MAPK6: variants seen among roughly 807,000 people sequenced by gnomAD.
MAPK6 encodes the protein mitogen-activated protein kinase 6.
Under a neutral mutation model 59.3 loss-of-function variants are expected in MAPK6, and 19 were observed. The ratio of observed to expected loss-of-function variants is 0.32; its 90% CI spans 0.22 to 0.47. The LOEUF is 0.47. MAPK6 is among the 20% of genes least tolerant of loss of function. The probability of loss-of-function intolerance (pLI) is 1.00; values close to 1 mark genes in which losing one functional copy is unlikely to be tolerated. For synonymous variants in MAPK6, 316 were observed against 290.3 expected (o/e 1.09, Z -0.90); for missense variants, 724 against 847.9 (o/e 0.85, Z 1.81).
intron 1 of MAPK6, among the ~76,000 whole-genome samples, chr15:52,023,762 C>A (rs529185257): frequency 1.3e-5 from 2 of 152,340 alleles, no homozygotes; most frequent in Admixed American, 1.3e-4. Flanking sequence ...CAGGTGCGCA[C>A]CACCATGACC....
Position 52,063,860 on chromosome 15 carries a change from A to G in MAPK6, c.1068-42A>G, listed in dbSNP as rs541591673. The G allele has an allele frequency of 1.1e-5, 16 of 1,501,186 alleles. No homozygotes were observed. In the South Asian group the frequency reaches 1.4e-4, roughly 13 times the overall value. The allele number at this position is 1,501,186 out of a possible 1,614,324, so 93.0% of individuals were successfully genotyped here. ...GGTACTCGGTGAATTTGAAAATGAAATCATATACGTAGAATAACGCTAGTG... is the reference window on the plus strand; with the variant it reads ...GGTACTCGGTGAATTTGAAAATGAAGTCATATACGTAGAATAACGCTAGTG... On this transcript the variant is annotated intron_variant, in intron 5 of 5. Coordinates refer to ENST00000261845, the MANE Select transcript of MAPK6 (RefSeq NM_002748.4).
At position 52,046,946 on chromosome 15, in the gene MAPK6, G is replaced by C. The variant is rs776552712; in HGVS notation, c.486G>C (p.Thr162=). ...DLKPANLFIN[T]EDLVLKIGDF... is the part of the protein sequence containing the mutation. ...AACCAGCTAATCTTTTCATTAATAC[G>C]GAAGACTTGGTGCTGAAGATAGGTG... The change falls in exon 2 of 6, where the codon ACG becomes ACC. Residue 162 remains threonine, a synonymous_variant. Transcript: ENST00000261845. 6.2e-7 allele frequency: 1 copy of C among 1,612,326 alleles called. No homozygotes were observed. The highest frequency in any genetic ancestry group is 8.5e-7 in the Non-Finnish European group (1 of 1,179,218).
At chr15:52,057,632 C>T (rs906558723) in intron 3 of MAPK6, among the ~76,000 whole-genome samples, 3 of 152,242 alleles carry the variant, frequency 2.0e-5, no homozygotes, top group East Asian at 3.9e-4. Flanking sequence ...GCAACCTCCT[C>T]CTCCAGGGTC....
At chr15:51,988,881 G>A (rs1490226671) in intron 2 of MAPK6, among the ~76,000 whole-genome samples, 1 of 152,124 alleles carries the variant, frequency 6.6e-6, no homozygotes, top group Non-Finnish European at 1.5e-5. Flanking sequence ...TCTGGAATAA[G>A]TTAATTGCCT....
chr15:52,007,649 GC>G (rs2029936791), intron 3 of MAPK6, among the ~76,000 whole-genome samples: 1 of 151,194 alleles, frequency 6.6e-6, no homozygotes, highest in African/African-American at 2.4e-5. Context: ...GCTGTAGTGA[GC>G]TGTGTTTGCA....
chr15:52,045,181 T>C (rs1251310326), intron 1 of MAPK6, among the ~76,000 whole-genome samples: 2 of 152,194 alleles, frequency 1.3e-5, no homozygotes, highest in Admixed American at 6.5e-5. Context: ...TAATTTAAAC[T>C]CCAACCACTA....
At chr15:51,997,546 C>T (rs1276733125) in intron 2 of MAPK6, among the ~76,000 whole-genome samples, 1 of 152,028 alleles carries the variant, frequency 6.6e-6, no homozygotes, top group African/African-American at 2.4e-5. Context: ...GCATGAACCA[C>T]CTTGCCCGGC....
At chr15:52,058,611 T>G in intron 3 of MAPK6, 22 bp from the exon 4 acceptor site, 1 of 1,568,914 alleles carries the variant, frequency 6.4e-7, no homozygotes, top group Non-Finnish European at 8.7e-7. Context: ...AATGTGTTTT[T>G]TTGTTTGTTT....
chr15:52,050,171 A>G (rs1331187883), intron 3 of MAPK6, 34 bp downstream of exon 3: 2 of 1,577,370 alleles, frequency 1.3e-6, no homozygotes, highest in Non-Finnish European at 1.7e-6. Context: ...ATTTTCCCAA[A>G]GAGAAGTAAT....
intron 1 of MAPK6, among the ~76,000 whole-genome samples, chr15:52,036,811 T>C (rs2031256443): frequency 6.6e-6 from 1 of 151,974 alleles, no homozygotes; most frequent in Admixed American, 6.6e-5. Flanking sequence ...TTCCTTTCTT[T>C]CCCTCCCCTC....
At chr15:52,044,109 A>G (rs1206121863) in intron 1 of MAPK6, among the ~76,000 whole-genome samples, 1 of 152,010 alleles carries the variant, frequency 6.6e-6, no homozygotes, top group Non-Finnish European at 1.5e-5. Context: ...TTTATTCACA[A>G]ACTTCAACTT....
chr15:51,993,311 C>A (rs1376779248), intron 2 of MAPK6, among the ~76,000 whole-genome samples: 1 of 152,170 alleles, frequency 6.6e-6, no homozygotes, highest in Admixed American at 6.6e-5. Context: ...CCTCCTAGCA[C>A]CACTATTGCT....
intron 2 of MAPK6, among the ~76,000 whole-genome samples, chr15:51,990,060 A>C (rs1187904270): frequency 6.6e-6 from 1 of 152,250 alleles, no homozygotes; most frequent in Non-Finnish European, 1.5e-5. Context: ...GATTAATAGG[A>C]ACAGCCTGAA....
rs1292761098 is a variant in MAPK6, at chr15:52,064,347, A to C, written c.1513A>C (p.Ile505Leu). The change falls in exon 6 of 6, where the codon ATA becomes CTA. Residue 505 changes from isoleucine to leucine, a missense_variant. Physicochemically the swap from Ile to Leu is conservative, Grantham distance 5. Transcript: ENST00000261845. Reference sequence around the variant, plus strand: ...AAGGAATGGATTGGTTAAAGCCCAGATAGCGCTAGAGGAAGCATCACAGCA... The same window carrying C: ...AAGGAATGGATTGGTTAAAGCCCAGCTAGCGCTAGAGGAAGCATCACAGCA... ...CERNGLVKAQ[I>L]ALEEASQQLA... is the part of the protein sequence containing the mutation. 1.2e-6 allele frequency: 2 copies of C among 1,611,410 alleles called. No homozygotes were observed. Among genetic ancestry groups the C allele is most frequent in the Non-Finnish European group, 1.7e-6 (2 of 1,179,618 alleles).
intron 1 of MAPK6, among the ~76,000 whole-genome samples, chr15:52,022,103 C>T (rs2030557202): frequency 6.6e-6 from 1 of 151,972 alleles, no homozygotes; most frequent in Non-Finnish European, 1.5e-5. Flanking sequence ...GTGGAAGGAT[C>T]GCTTGAGGCC....
intron 3 of MAPK6, among the ~76,000 whole-genome samples, chr15:52,006,563 C>A (rs1295325858): frequency 2.0e-5 from 3 of 152,184 alleles, no homozygotes; most frequent in Non-Finnish European, 2.9e-5. Flanking sequence ...GTGAGAATAT[C>A]AGCCGGGATG....
chr15:52,056,390 A>T (rs1286489686), intron 3 of MAPK6, among the ~76,000 whole-genome samples: 2 of 151,928 alleles, frequency 1.3e-5, no homozygotes, highest in African/African-American at 4.9e-5. Flanking sequence ...ACAGTCCCTC[A>T]GCTACTGCCA....
chr15:51,973,659 CT>C (rs879633754), intron 1 of MAPK6, among the ~76,000 whole-genome samples: 18 of 147,010 alleles, frequency 1.2e-4, no homozygotes, highest in Non-Finnish European at 2.0e-4. Flanking sequence ...TTTGGCTACA[CT>C]TTTTTTTTTT....
upstream of MAPK6, among the ~76,000 whole-genome samples, chr15:52,016,107 C>CACACACACACACACACACACACACA (rs1267339787): frequency 4.4e-5 from 6 of 136,326 alleles, no homozygotes; most frequent in South Asian, 2.5e-4. Flanking sequence ...CACACACACA[C>CACACACACACACACACACACACACA]AAACTAAAAC....
Sources: allele counts gnomAD v4.1 joint callset (sites outside exome capture counted in the v4.1 genomes callset), GRCh38; gene constraint gnomAD v4.1.1; transcripts MANE v1.5; gene names NCBI Gene and HGNC (gene_info 2026-07-23, HGNC 2026-07-21).